The following CXADR variants were observed in gnomAD, a reference collection of about 807,000 sequenced individuals.
The protein encoded by CXADR is CXADR cell adhesion molecule, also known as coxsackievirus and adenovirus receptor.
Under a neutral mutation model 40.3 loss-of-function variants are expected in CXADR, and 20 were observed. That is an observed-to-expected ratio of 0.50 (90% CI 0.35 to 0.72). CXADR has a LOEUF of 0.72. CXADR is among the 30% of genes least tolerant of loss of function. The pLI is 0.01. For missense variants in CXADR, 332 were observed against 449.1 expected (o/e 0.74, Z 2.36); for synonymous variants, 150 against 161.3 (o/e 0.93, Z 0.53).
chr21:17,613,091 C>T, the CXADR span: 1 of 152,102 alleles, frequency 6.6e-6, no homozygotes, highest in African/African-American at 2.4e-5. Context: ...CACCCTCGCC[C>T]TACCCTGAGC....
At chr21:17,616,953 C>T in the CXADR span, among the ~76,000 whole-genome samples, 1 of 152,180 alleles carries the variant, frequency 6.6e-6, no homozygotes, top group African/African-American at 2.4e-5. Flanking sequence ...TTCTCCGTTA[C>T]ATCATGCCAT....
At chr21:17,585,520 AATT>A (rs1291438161) in intron 7 of CXADR, among the ~76,000 whole-genome samples, 1 of 150,884 alleles carries the variant, frequency 6.6e-6, no homozygotes, top group Non-Finnish European at 1.5e-5. Flanking sequence ...CTGGGTGTTT[AATT>A]ATTATTTTTT....
chr21:17,514,700 C>G (rs2060437419), intron 1 of CXADR, among the ~76,000 whole-genome samples: 1 of 150,770 alleles, frequency 6.6e-6, no homozygotes, highest in Non-Finnish European at 1.5e-5. Context: ...ATGGCGTGAT[C>G]TTGGCTCACC....
intron 7 of CXADR, among the ~76,000 whole-genome samples, chr21:17,585,684 A>AT (rs1011579013): frequency 6.6e-6 from 1 of 151,876 alleles, no homozygotes; most frequent in Non-Finnish European, 1.5e-5. Context: ...CGCCCAGCTA[A>AT]TTTTTTTGTA....
chr21:17,569,496 A>T lies in CXADR; in HGVS notation c.*3804A>T. 2 of 985,210 alleles carry T rather than the reference A, an allele frequency of 2.0e-6. No individual in the cohort carries two copies. The highest frequency in any genetic ancestry group is 2.4e-6 in the Non-Finnish European group (2 of 829,894). 61.0% of individuals were successfully genotyped at this position (985,210 alleles called of 1,614,324 possible). ...TAAAGGCATCATGTTCTGCAATAGGATTTCTTACTCATTTACCTATTTTAA... is the reference window on the plus strand; with the variant it reads ...TAAAGGCATCATGTTCTGCAATAGGTTTTCTTACTCATTTACCTATTTTAA... On this transcript the variant is annotated 3_prime_UTR_variant, in exon 7 of 7. Transcript: ENST00000284878.
chr21:17,581,471 T>G (rs1343009926), intron 7 of CXADR, among the ~76,000 whole-genome samples: 2 of 152,182 alleles, frequency 1.3e-5, no homozygotes, highest in East Asian at 3.9e-4. Flanking sequence ...TTTCCTGACC[T>G]CAGGAGAAAA....
downstream of CXADR, among the ~76,000 whole-genome samples, chr21:17,597,209 G>C (rs2123431433): frequency 1.3e-5 from 2 of 152,048 alleles, no homozygotes; most frequent in Middle Eastern, 3.4e-3. Flanking sequence ...AATTTTAAAA[G>C]AAATCCTAAA....
chr21:17,535,250 C>T (rs907117904), intron 1 of CXADR, among the ~76,000 whole-genome samples: 14 of 152,132 alleles, frequency 9.2e-5, no homozygotes, highest in Admixed American at 9.2e-4. Flanking sequence ...ATTCAGCCTT[C>T]CTAGTAGCTG....
At chr21:17,596,974 C>T (rs1350188663), downstream of CXADR, among the ~76,000 whole-genome samples, 1 of 151,984 alleles carries the variant, frequency 6.6e-6, no homozygotes, top group Non-Finnish European at 1.5e-5. Flanking sequence ...TTTTTTAAAG[C>T]TTGTGGCAAT....
At chr21:17,590,628 A>G (rs1377987682) in intron 7 of CXADR, among the ~76,000 whole-genome samples, 7 of 152,096 alleles carry the variant, frequency 4.6e-5, no homozygotes, top group Non-Finnish European at 7.4e-5. Flanking sequence ...TGTTTCCGTA[A>G]GAGCCTCACA....
chr21:17,614,186 G>A, the CXADR span: 1 of 151,940 alleles, frequency 6.6e-6, no homozygotes, highest in Non-Finnish European at 1.5e-5. Context: ...GAGTCTTCTA[G>A]GAGGTGTGAA....
chr21:17,560,955 T>C, intron 5 of CXADR, 131 bp downstream of exon 5: 1 of 1,348,124 alleles, frequency 7.4e-7, no homozygotes, highest in Non-Finnish European at 9.9e-7. Flanking sequence ...GTTTGATTAT[T>C]AGCTTTTCTA....
intron 1 of CXADR, among the ~76,000 whole-genome samples, chr21:17,524,328 G>A (rs1293621384): frequency 1.3e-5 from 2 of 151,608 alleles, no homozygotes; most frequent in East Asian, 2.0e-4. Context: ...GTGGGAGGCC[G>A]AAGCAGGCGG....
chr21:17,544,217 A>C (rs1367679148), intron 1 of CXADR, among the ~76,000 whole-genome samples: 1 of 152,208 alleles, frequency 6.6e-6, no homozygotes, highest in Non-Finnish European at 1.5e-5. Flanking sequence ...TGAGATAGGA[A>C]TGGAACTGAG....
intron 3 of CXADR, among the ~76,000 whole-genome samples, chr21:17,558,633 G>T (rs888935499): frequency 4.6e-5 from 7 of 152,264 alleles, no homozygotes; most frequent in Middle Eastern, 3.4e-3. Flanking sequence ...AGGAATGGGA[G>T]GGGGAGCTTC....
intron 1 of CXADR, among the ~76,000 whole-genome samples, chr21:17,516,026 T>C (rs1396313073): frequency 2.0e-5 from 3 of 152,188 alleles, no homozygotes; most frequent in African/African-American, 7.2e-5. Flanking sequence ...GTCATACTAC[T>C]AGTAATCAGT....
intron 2 of CXADR, 56 bp from the exon 3 acceptor site, chr21:17,551,691 GAC>G (rs2060970833): frequency 2.0e-6 from 3 of 1,497,004 alleles, no homozygotes; most frequent in African/African-American, 1.4e-5. Context: ...TCCTTTAAGA[GAC>G]AGTTTTTTTT....
At chr21:17,575,907 G>A (rs1022903324) in intron 7 of CXADR, among the ~76,000 whole-genome samples, 2 of 151,182 alleles carry the variant, frequency 1.3e-5, no homozygotes, top group Admixed American at 1.3e-4. Flanking sequence ...GACCAACATG[G>A]TGAAACCCTG....
chr21:17,574,972 A>C (rs2061308327), downstream of CXADR, among the ~76,000 whole-genome samples: 1 of 69,966 alleles, frequency 1.4e-5, no homozygotes, highest in Non-Finnish European at 2.8e-5. Flanking sequence ...AAAATATGGA[A>C]TATATATATA....
Sources: allele counts gnomAD v4.1 joint callset (sites outside exome capture counted in the v4.1 genomes callset), GRCh38; gene constraint gnomAD v4.1.1; transcripts MANE v1.5; gene names NCBI Gene and HGNC (gene_info 2026-07-23, HGNC 2026-07-21).